VPS13B: variants seen among roughly 807,000 people sequenced by gnomAD.
VPS13B encodes the protein vacuolar protein sorting 13 homolog B.
A neutral mutation model predicts 426.4 loss-of-function variants in VPS13B; 285 were observed. The observed-to-expected ratio is 0.67, with a 90% CI of 0.61 to 0.74. The LOEUF (loss-of-function observed/expected upper bound fraction) is 0.74, where lower values mean the gene tolerates loss of function less well. VPS13B is among the 30% of genes least tolerant of loss of function. The pLI is 0.00. For missense variants in VPS13B, 4,537 were observed against 4,782.6 expected (o/e 0.95, Z 1.51); for synonymous variants, 1,676 against 1,676.4 (o/e 1.00, Z 0.01).
chr8:99,309,650 G>A (rs1443695637), intron 19 of VPS13B, among the ~76,000 whole-genome samples: 5 of 152,124 alleles, frequency 3.3e-5, no homozygotes, highest in African/African-American at 4.8e-5. Context: ...GCCAAGGACC[G>A]TCTTGGCAAT....
At chr8:99,390,141 A>G (rs902560224) in intron 20 of VPS13B, among the ~76,000 whole-genome samples, 30 of 150,642 alleles carry the variant, frequency 2.0e-4, no homozygotes, top group Non-Finnish European at 3.8e-4. Context: ...TCTGTTGCCC[A>G]GGCTGTAGTG....
chr8:99,764,693 A>G (rs57753543), intron 39 of VPS13B, among the ~76,000 whole-genome samples: 13,365 of 151,840 alleles, frequency 0.088, 1,049 homozygotes, highest in African/African-American at 0.21. Context: ...GGGATTTCAG[A>G]CGTGAGCCAC....
intron 19 of VPS13B, among the ~76,000 whole-genome samples, chr8:99,361,847 T>A: frequency 6.6e-6 from 1 of 152,186 alleles, no homozygotes; most frequent in East Asian, 1.9e-4. Flanking sequence ...AGCTATTACT[T>A]TTTAAGTTCC....
At chr8:99,834,129 G>T (rs1037570018) in intron 52 of VPS13B, among the ~76,000 whole-genome samples, 2 of 152,188 alleles carry the variant, frequency 1.3e-5, no homozygotes, top group African/African-American at 4.8e-5. Flanking sequence ...GAGATGGATG[G>T]CAAATGGAAG....
chr8:99,020,434 T>G (rs1303801215), intron 2 of VPS13B, among the ~76,000 whole-genome samples: 1 of 152,210 alleles, frequency 6.6e-6, no homozygotes, highest in Non-Finnish European at 1.5e-5. Flanking sequence ...ATGCTGTCAG[T>G]GGCATCTTAC....
intron 17 of VPS13B, among the ~76,000 whole-genome samples, chr8:99,205,321 A>G (rs912991778): frequency 6.6e-6 from 1 of 152,020 alleles, no homozygotes; most frequent in African/African-American, 2.4e-5. Flanking sequence ...ACATGGACAC[A>G]GGGAGGGGAA....
chr8:99,179,076 A>G (rs7826207), intron 16 of VPS13B, among the ~76,000 whole-genome samples: 41,714 of 152,016 alleles, frequency 0.27, 6,383 homozygotes, highest in East Asian at 0.43. Flanking sequence ...TTAATACTTA[A>G]CATTGTTCAG....
intron 30 of VPS13B, among the ~76,000 whole-genome samples, chr8:99,534,886 A>G (rs1383659546): frequency 6.6e-6 from 1 of 152,216 alleles, no homozygotes; most frequent in South Asian, 2.1e-4. Context: ...CCTGCACATC[A>G]TCATAAAAGG....
In VPS13B at chr8:99,877,142, T is replaced by TGA; in HGVS notation, c.*1478_*1479dup. On this transcript the variant is annotated 3_prime_UTR_variant, in exon 62 of 62. Transcript: ENST00000357162. ...TCCCAAACTGCTGGGATTACAGGTG[T>TGA]GAGCCACCATGCCCAACACCCACTG... 6.6e-6 allele frequency: 1 copy of TGA among 152,352 alleles called. No homozygotes were observed. 9.4% of individuals were successfully genotyped at this position (152,352 alleles called of 1,614,324 possible). A position where few individuals can be genotyped will look rare whatever the true frequency, so the allele number is the denominator to read the frequency against.
At chr8:99,092,601 A>G (rs1335651343) in intron 3 of VPS13B, among the ~76,000 whole-genome samples, 6 of 151,984 alleles carry the variant, frequency 3.9e-5, no homozygotes, top group Non-Finnish European at 8.8e-5. Context: ...ATTTAATTTG[A>G]TTGGGGCATG....
intron 3 of VPS13B, among the ~76,000 whole-genome samples, chr8:99,044,899 C>CACACACACA (rs1843149766): frequency 6.9e-6 from 1 of 145,362 alleles, no homozygotes; most frequent in African/African-American, 2.6e-5. Flanking sequence ...CACACACACA[C>CACACACACA]CACCCCCCGC....
chr8:99,195,077 C>A (rs916502333), intron 17 of VPS13B, among the ~76,000 whole-genome samples: 1 of 152,100 alleles, frequency 6.6e-6, no homozygotes, highest in African/African-American at 2.4e-5. Context: ...TATCTCTTGA[C>A]CTCATGATCT....
At chr8:99,278,377 CAGAG>C (rs1405946725) in intron 19 of VPS13B, among the ~76,000 whole-genome samples, 2 of 152,058 alleles carry the variant, frequency 1.3e-5, no homozygotes, top group South Asian at 2.1e-4. Flanking sequence ...GGAATTATGA[CAGAG>C]AGAAATATTA....
At chr8:99,419,999 A>T (rs1816282740) in intron 21 of VPS13B, among the ~76,000 whole-genome samples, 1 of 152,198 alleles carries the variant, frequency 6.6e-6, no homozygotes, top group Non-Finnish European at 1.5e-5. Flanking sequence ...TTATGTTTAA[A>T]GGGAAAATTT....
chr8:99,520,289 G>A (rs1822307781), intron 29 of VPS13B, among the ~76,000 whole-genome samples: 1 of 151,636 alleles, frequency 6.6e-6, no homozygotes, highest in Non-Finnish European at 1.5e-5. Flanking sequence ...AGGTTGATAT[G>A]TTCTCCCATA....
rs572735107 is a variant in VPS13B at position 99,691,091 on chromosome 8, A to G, written c.6047-8434A>G. ...ATGAACCTTGGAAGCATTATGCTAT[A>G]TGAAGGAAACCGGGTACAAAAATCA... On this transcript the variant is annotated intron_variant, in intron 35 of 61. Transcript: ENST00000357162. Among the ~76,000 whole-genome samples, 12 of 152,336 alleles carry G rather than the reference A, an allele frequency of 7.9e-5. 1 individual carries two copies. In the East Asian group the frequency reaches 1.7e-3, roughly 22 times the overall value.
chr8:99,271,742 C>G (rs1818620872), intron 17 of VPS13B, among the ~76,000 whole-genome samples: 1 of 152,070 alleles, frequency 6.6e-6, no homozygotes, highest in African/African-American at 2.4e-5. Flanking sequence ...GAGAGAATTG[C>G]CAACGAATGA....
chr8:99,836,576 C>A (rs1465884542), intron 54 of VPS13B, among the ~76,000 whole-genome samples: 2 of 152,248 alleles, frequency 1.3e-5, no homozygotes, highest in East Asian at 3.9e-4. Flanking sequence ...AAGTTTCGTT[C>A]ATGTTTTAGC....
chr8:99,410,904 T>C (rs1176721258), intron 21 of VPS13B, among the ~76,000 whole-genome samples: 5 of 152,186 alleles, frequency 3.3e-5, no homozygotes, highest in South Asian at 2.1e-4. Context: ...CATCCTTTTT[T>C]ATGGCTGCAT....
Sources: allele counts gnomAD v4.1 joint callset (sites outside exome capture counted in the v4.1 genomes callset), GRCh38; gene constraint gnomAD v4.1.1; transcripts MANE v1.5; gene names NCBI Gene and HGNC (gene_info 2026-07-23, HGNC 2026-07-21).